WDR49: variants seen among roughly 807,000 people sequenced by gnomAD.
WDR49 encodes the protein cilia- and flagella-associated protein 337.
WDR49 carries 107 observed loss-of-function variants against 119.5 expected under a neutral mutation model. That is an observed-to-expected ratio of 0.90 (90% CI 0.77 to 1.05). The LOEUF is 1.05. WDR49 is among the 50% of genes least tolerant of loss of function. WDR49 has a pLI of 0.00. For missense variants in WDR49, 1,240 were observed against 1,220.5 expected, an observed-to-expected ratio of 1.02 and a Z score of -0.24; for synonymous variants, 425 against 418.8, an observed-to-expected ratio of 1.01 and a Z score of -0.18.
intron 7 of WDR49, among the ~76,000 whole-genome samples, chr3:167,587,540 C>T (rs1357176721): frequency 6.6e-6 from 1 of 152,088 alleles, no homozygotes; most frequent in Non-Finnish European, 1.5e-5. Context: ...GGCTGGAGTG[C>T]AATGGCATGA....
At chr3:167,503,291 G>A (rs1335379836) in intron 17 of WDR49, among the ~76,000 whole-genome samples, 1 of 152,228 alleles carries the variant, frequency 6.6e-6, no homozygotes, top group Non-Finnish European at 1.5e-5. Flanking sequence ...ACCTGCAGCA[G>A]GGCATAGCCC....
At chr3:167,512,173 G>T (rs1004305145) in intron 16 of WDR49, among the ~76,000 whole-genome samples, 79 of 152,290 alleles carry the variant, frequency 5.2e-4, no homozygotes, top group African/African-American at 1.9e-3. Flanking sequence ...CCAAACAGGG[G>T]TCACCAGAAA....
chr3:167,627,838 A>G (rs1378752249), intron 2 of WDR49, among the ~76,000 whole-genome samples: 2 of 152,038 alleles, frequency 1.3e-5, no homozygotes, highest in African/African-American at 2.4e-5. Context: ...ATTTTGCTTT[A>G]TTGTACTTTG....
chr3:167,547,981 C>G (rs1459306121), intron 10 of WDR49, among the ~76,000 whole-genome samples: 2 of 151,968 alleles, frequency 1.3e-5, no homozygotes, highest in South Asian at 2.1e-4. Flanking sequence ...TACATCAAAA[C>G]TTCCATATGT....
upstream of WDR49, among the ~76,000 whole-genome samples, chr3:167,656,312 A>G (rs568038848): frequency 2.1e-4 from 32 of 152,344 alleles, no homozygotes; most frequent in East Asian, 5.8e-3. Context: ...CACCCTAGTT[A>G]GTAAGTTAAT....
intron 5 of WDR49, among the ~76,000 whole-genome samples, chr3:167,611,606 T>C (rs1240059622): frequency 6.6e-6 from 1 of 151,926 alleles, no homozygotes; most frequent in East Asian, 1.9e-4. Context: ...TAAAGGCACA[T>C]ATAGACTGAA....
At chr3:167,544,912 T>C (rs1263552333) in intron 10 of WDR49, among the ~76,000 whole-genome samples, 2 of 151,774 alleles carry the variant, frequency 1.3e-5, no homozygotes, top group Non-Finnish European at 2.9e-5. Flanking sequence ...AGACAATCCA[T>C]AGAGTGGGAG....
chr3:167,620,994 G>A (rs1405398651), intron 4 of WDR49, among the ~76,000 whole-genome samples: 1 of 151,818 alleles, frequency 6.6e-6, no homozygotes, highest in Non-Finnish European at 1.5e-5. Context: ...CCAATATCTA[G>A]GTTTCAGAGC....
At chr3:167,592,372 G>GT (rs1715160004) in intron 7 of WDR49, among the ~76,000 whole-genome samples, 1 of 150,548 alleles carries the variant, frequency 6.6e-6, no homozygotes, top group Non-Finnish European at 1.5e-5. Flanking sequence ...TATATTCTGT[G>GT]GTTTTTTTGT....
At chr3:167,598,865 A>T (rs1715625173) in intron 7 of WDR49, among the ~76,000 whole-genome samples, 1 of 152,236 alleles carries the variant, frequency 6.6e-6, no homozygotes, top group Admixed American at 6.5e-5. Context: ...GGAATCTTGG[A>T]TAAAATCCAG....
intron 18 of WDR49, 132 bp downstream of exon 18, chr3:167,500,021 G>A (rs1751497470): frequency 1.9e-6 from 2 of 1,060,780 alleles, no homozygotes; most frequent in African/African-American, 3.3e-5. Flanking sequence ...AATCTTAACA[G>A]TCAAACCACA....
intron 7 of WDR49, among the ~76,000 whole-genome samples, chr3:167,580,334 G>T (rs147264024): frequency 6.6e-6 from 1 of 150,604 alleles, no homozygotes; most frequent in East Asian, 1.9e-4. Flanking sequence ...GCATAAAATG[G>T]GTGACGGTAT....
chr3:167,631,262 G>T (rs1379687939), intron 2 of WDR49, among the ~76,000 whole-genome samples: 1 of 151,768 alleles, frequency 6.6e-6, no homozygotes, highest in African/African-American at 2.4e-5. Context: ...AACTTAAAGT[G>T]TAATGAATAA....
chr3:167,546,507 G>A (rs1712210228), intron 10 of WDR49, among the ~76,000 whole-genome samples: 1 of 151,856 alleles, frequency 6.6e-6, no homozygotes, highest in Middle Eastern at 3.4e-3. Flanking sequence ...TGAGAGACTT[G>A]TTTTCCTGGC....
At chr3:167,621,343 A>T in intron 4 of WDR49, 124 bp downstream of exon 4, 1 of 979,696 alleles carries the variant, frequency 1.0e-6, no homozygotes, top group East Asian at 2.8e-5. Flanking sequence ...TCCATGTCCA[A>T]TGTGCATGTA....
In WDR49 at chr3:167,529,105, G is replaced by T; in HGVS notation, c.2353C>A (p.Arg785=). The stretch of plus-strand genomic sequence containing the variant: ...TCAAGATCTCCTGTGGTAAGGTATC[G>T]ATTCATCTTATCAGTAGACATAATA... The part of the protein sequence containing the change: ...SIIMSTDKMN[R]YLTTGDLDGW... Residue 785 remains arginine, a synonymous_variant, in exon 14 of 19, where the codon CGA becomes AGA. Coordinates refer to ENST00000682715, the MANE Select transcript of WDR49 (RefSeq NM_001366157.1). 1 of 1,606,848 alleles carries T rather than the reference G, an allele frequency of 6.2e-7. No homozygotes were observed. The highest frequency in any genetic ancestry group is 8.5e-7 in the Non-Finnish European group (1 of 1,177,810).
chr3:167,598,628 G>T (rs1179604784), intron 7 of WDR49, among the ~76,000 whole-genome samples: 1 of 152,134 alleles, frequency 6.6e-6, no homozygotes. Context: ...GCTTCCTGAG[G>T]GCTCCCCAGC....
chr3:167,574,961 A>T (rs1460091665), intron 8 of WDR49: 6 of 636,756 alleles, frequency 9.4e-6, no homozygotes, highest in Non-Finnish European at 1.2e-5. Context: ...ACCAGAAAAC[A>T]GTGTTTTAAA....
Position 167,626,938 on chromosome 3 carries a change from G to C in WDR49, c.520C>G (p.Gln174Glu). ...LAIWGEHLKL[Q>E]ETFPITSDAT... ...TCTGAAGTGATGGGGAATGTTTCTT[G>C]CAGCTTTAAATGCTCTCCCCAGATT... is the stretch of plus-strand genomic sequence containing the variant. Residue 174 changes from glutamine to glutamate, a missense_variant, in exon 3 of 19, where the codon CAA becomes GAA. Gln to Glu is a conservative substitution (Grantham distance 29, BLOSUM62 2). Coordinates refer to ENST00000682715, the MANE Select transcript of WDR49 (RefSeq NM_001366157.1). The C allele has an allele frequency of 7.6e-7, 1 of 1,309,598 alleles. No individual in the cohort carries two copies. Among genetic ancestry groups the C allele is most frequent in the Non-Finnish European group, 9.7e-7 (1 of 1,030,084 alleles). 81.1% of individuals were successfully genotyped at this position (1,309,598 alleles called of 1,614,324 possible). A position where few individuals can be genotyped will look rare whatever the true frequency, so the allele number is the denominator to read the frequency against.
Sources: allele counts gnomAD v4.1 joint callset (sites outside exome capture counted in the v4.1 genomes callset), GRCh38; gene constraint gnomAD v4.1.1; transcripts MANE v1.5; gene names NCBI Gene and HGNC (gene_info 2026-07-23, HGNC 2026-07-21).